The following SLC16A5 variants were observed in gnomAD, a reference collection of about 807,000 sequenced individuals.
SLC16A5 encodes solute carrier family 16 member 5.
A neutral mutation model predicts 33.2 loss-of-function variants in SLC16A5; 29 were observed. The observed-to-expected ratio is 0.87, with a 90% CI of 0.65 to 1.19. The LOEUF (loss-of-function observed/expected upper bound fraction) is 1.19, where lower values mean the gene tolerates loss of function less well. Among genes scored for constraint, SLC16A5 ranks in the 50% most tolerant of loss-of-function variants. The probability of loss-of-function intolerance (pLI) is 0.00; values close to 1 mark genes in which losing one functional copy is unlikely to be tolerated. For missense variants in SLC16A5, 606 were observed against 678.2 expected (o/e 0.89, Z 1.18); for synonymous variants, 248 against 284.1 (o/e 0.87, Z 1.28).
In SLC16A5 at chr17:75,100,741, G is replaced by C. The variant is rs781441141; in HGVS notation, c.1078G>C (p.Asp360His). ...GGTTCTCATGGACATCGTCCCCATGGATCAGTTCCCCAGAGCCCTGGGACT... is the reference window on the plus strand; with the variant it reads ...GGTTCTCATGGACATCGTCCCCATGCATCAGTTCCCCAGAGCCCTGGGACT... ...FQVLMDIVPMDQFPRALGLFT... is the reference protein window; with the variant it reads ...FQVLMDIVPMHQFPRALGLFT... The change falls in exon 5 of 7, where the codon GAT becomes CAT. Residue 360 changes from aspartate (D) to histidine (H), a missense_variant. Coordinates refer to ENST00000329783, the MANE Select transcript of SLC16A5 (RefSeq NM_004695.4). 1.9e-6 allele frequency: 3 copies of C among 1,614,078 alleles called. No homozygotes were observed. Among genetic ancestry groups the C allele is most frequent in the Non-Finnish European group, 2.5e-6 (3 of 1,179,986 alleles).
Position 75,096,498 on chromosome 17 carries a change from C to T in SLC16A5, c.200-1540C>T, listed in dbSNP as rs566081368. ...AGCCTCTGCTTGATTATGTCTGCGA[C>T]GGGCTGCTCACTTAGTCTGTCACTT... On this transcript the variant is annotated intron_variant, in intron 3 of 6. Coordinates refer to ENST00000329783, the MANE Select transcript of SLC16A5 (RefSeq NM_004695.4). Among the ~76,000 whole-genome samples the T allele has an allele frequency of 6.0e-5, 9 of 151,138 alleles. No homozygotes were observed. The East Asian group carries it at 7.8e-4, about 13-fold the overall frequency.
chr17:75,108,663 A>G (rs80113108), downstream of SLC16A5, among the ~76,000 whole-genome samples: 773 of 152,330 alleles, frequency 5.1e-3, 16 homozygotes, highest in East Asian at 0.04. Flanking sequence ...ATAGTAAACT[A>G]TATGGGTATT....
chr17:75,096,532 C>CTT (rs371484359), intron 3 of SLC16A5, among the ~76,000 whole-genome samples: 2 of 140,686 alleles, frequency 1.4e-5, no homozygotes, highest in South Asian at 2.3e-4. Context: ...TTGCTTTTTT[C>CTT]TTTTTTTTTT....
At chr17:75,108,965 G>A (rs1568012055), downstream of SLC16A5, among the ~76,000 whole-genome samples, 1 of 152,096 alleles carries the variant, frequency 6.6e-6, no homozygotes, top group African/African-American at 2.4e-5. Context: ...TTTTTGTTCT[G>A]TTTTTTAACA....
Position 75,092,825 on chromosome 17 carries a change from G to A in SLC16A5, c.-48-764G>A, listed in dbSNP as rs910633713. On this transcript the variant is annotated intron_variant, in intron 2 of 6. Coordinates refer to ENST00000329783, the MANE Select transcript of SLC16A5 (RefSeq NM_004695.4). Reference sequence around the variant, plus strand: ...TGTCTGTGTCTGTGTGCCACTGCGTGTGTGTGTGTGTGTGTGTGTGTGTGT... The same window carrying A: ...TGTCTGTGTCTGTGTGCCACTGCGTATGTGTGTGTGTGTGTGTGTGTGTGT... 2.5e-3 allele frequency among the ~76,000 whole-genome samples: 27 copies of A among 10,624 alleles called. 1 individual carries two copies. The South Asian group carries it at 0.066, about 26-fold the overall frequency. The allele number at this position is 10,624 out of a possible 152,430, so 7.0% of individuals were successfully genotyped here. A position where few individuals can be genotyped will look rare whatever the true frequency, so the allele number is the denominator to read the frequency against.
chr17:75,105,818 G>T, intron 6 of SLC16A5, 62 bp from the exon 7 acceptor site: 1 of 1,481,486 alleles, frequency 6.7e-7, no homozygotes, highest in South Asian at 1.4e-5. Flanking sequence ...GTTGTTTGTT[G>T]ATTCAGGCTC....
intron 3 of SLC16A5, among the ~76,000 whole-genome samples, chr17:75,097,238 C>T (rs901538744): frequency 6.6e-6 from 1 of 152,058 alleles, no homozygotes; most frequent in African/African-American, 2.4e-5. Flanking sequence ...GTTGCACTCT[C>T]GGAGAGTAAG....
intron 3 of SLC16A5, among the ~76,000 whole-genome samples, chr17:75,097,696 G>A (rs550673540): frequency 4.6e-5 from 7 of 152,176 alleles, no homozygotes; most frequent in Non-Finnish European, 1.0e-4. Flanking sequence ...AGTGGGGGAG[G>A]TAAACTCATG....
chr17:75,089,214 T>G lies in SLC16A5; in HGVS notation c.-139T>G, dbSNP rs1306245538. 1 of 152,378 alleles carries G rather than the reference T, an allele frequency of 6.6e-6. No homozygotes were observed. Among genetic ancestry groups the G allele is most frequent in the African/African-American group, 2.4e-5 (1 of 41,402 alleles). The allele number at this position is 152,378 out of a possible 1,614,324, so 9.4% of individuals were successfully genotyped here. On this transcript the variant is annotated 5_prime_UTR_variant, in exon 2 of 7. Transcript: ENST00000329783. Reference sequence around the variant, plus strand: ...AAGCCAGAGCCCTGGCCCCATCACCTCTCTGCCCTGCTTGAGTCTGGAATG... The same window carrying G: ...AAGCCAGAGCCCTGGCCCCATCACCGCTCTGCCCTGCTTGAGTCTGGAATG...
downstream of SLC16A5, among the ~76,000 whole-genome samples, chr17:75,107,058 C>T (rs2073869349): frequency 6.6e-6 from 1 of 151,352 alleles, no homozygotes; most frequent in Non-Finnish European, 1.5e-5. Context: ...TGCCTGTAAT[C>T]CCAACACTTT....
intron 2 of SLC16A5, 113 bp from the exon 3 acceptor site, chr17:75,093,476 C>G: frequency 6.5e-7 from 1 of 1,536,328 alleles, no homozygotes. Context: ...TCTGTGACAC[C>G]TGGTACTTGG....
At position 75,099,846 on chromosome 17, in the gene SLC16A5, C is replaced by T. The variant is rs528949789; in HGVS notation, c.344-161C>T. ...GGGTGGGGTGCCTACAGGGAGGTGGCGAGGCCAGCTGATTCCATGGTCAGT... is the reference window on the plus strand; with the variant it reads ...GGGTGGGGTGCCTACAGGGAGGTGGTGAGGCCAGCTGATTCCATGGTCAGT... On this transcript the variant is annotated intron_variant, in intron 4 of 6. Coordinates refer to ENST00000329783, the MANE Select transcript of SLC16A5 (RefSeq NM_004695.4). 241 of 692,962 alleles carry T rather than the reference C, an allele frequency of 3.5e-4. 1 individual carries two copies. Among genetic ancestry groups the T allele is most frequent in the Admixed American group, 1.1e-3 (36 of 34,032 alleles). The allele number at this position is 692,962 out of a possible 1,614,324, so 42.9% of individuals were successfully genotyped here.
chr17:75,097,419 T>C (rs534604322), intron 3 of SLC16A5, among the ~76,000 whole-genome samples: 1 of 151,890 alleles, frequency 6.6e-6, no homozygotes, highest in South Asian at 2.1e-4. Flanking sequence ...GTGCAGACTT[T>C]GGTGGTGCTG....
At chr17:75,091,228 C>G in intron 2 of SLC16A5, among the ~76,000 whole-genome samples, 1 of 151,706 alleles carries the variant, frequency 6.6e-6, no homozygotes, top group East Asian at 1.9e-4. Context: ...GAGAGGCGAG[C>G]TATGGAGCAG....
intron 6 of SLC16A5, chr17:75,104,651 T>C (rs1357599669): frequency 2.1e-5 from 13 of 623,752 alleles, no homozygotes; most frequent in Admixed American, 6.3e-5. Context: ...GGTTTCTCTA[T>C]GTTGGTCAGG....
At chr17:75,104,791 G>A (rs1204878000) in intron 6 of SLC16A5, 1 of 985,378 alleles carries the variant, frequency 1.0e-6, no homozygotes, top group South Asian at 4.7e-5. Flanking sequence ...CCAGGAGCAG[G>A]CCCTCCGGAC....
downstream of SLC16A5, among the ~76,000 whole-genome samples, chr17:75,106,584 CT>C (rs67212737): frequency 0.1 from 11,697 of 115,408 alleles, 850 homozygotes; most frequent in African/African-American, 0.2. Context: ...AAGACCCTGT[CT>C]TTTTTTTAAA....
At chr17:75,106,644 C>G (rs1011786823), downstream of SLC16A5, among the ~76,000 whole-genome samples, 1 of 150,486 alleles carries the variant, frequency 6.6e-6, no homozygotes, top group Non-Finnish European at 1.5e-5. Flanking sequence ...CCTGTAATCC[C>G]AGCACTTTGA....
At chr17:75,105,072 C>T (rs573053840) in intron 6 of SLC16A5, 2 of 985,412 alleles carry the variant, frequency 2.0e-6, no homozygotes, top group East Asian at 2.3e-4. Flanking sequence ...GCAGCCAAGG[C>T]TGGTGGTGCA....
Sources: gnomAD v4.1 joint callset for allele counts (sites outside exome capture counted in the v4.1 genomes callset) on GRCh38, gnomAD v4.1.1 for gene constraint, MANE v1.5 for transcripts, NCBI Gene and HGNC (gene_info 2026-07-23, HGNC 2026-07-21) for gene names.